Variants in CSTPP1 observed in about 807,000 individuals in gnomAD.
CSTPP1 encodes the protein centriolar satellite-associated tubulin polyglutamylase complex regulator 1.
chr11:46,953,520 A>T, the CSTPP1 span, among the ~76,000 whole-genome samples: 156 of 152,304 alleles, frequency 1.0e-3, no homozygotes, highest in African/African-American at 3.7e-3. Flanking sequence ...GGGAGTCAGG[A>T]CCATATTTAT....
chr11:47,089,068 A>T, the CSTPP1 span, among the ~76,000 whole-genome samples: 2 of 152,310 alleles, frequency 1.3e-5, no homozygotes, highest in African/African-American at 2.4e-5. Context: ...ATTTCCATTT[A>T]AAAATGTGCC....
At chr11:46,959,780 A>G in the CSTPP1 span, among the ~76,000 whole-genome samples, 1 of 151,874 alleles carries the variant, frequency 6.6e-6, no homozygotes, top group Non-Finnish European at 1.5e-5. Flanking sequence ...ATCTGCTGCC[A>G]TCTTAACTTC....
At chr11:47,142,673 T>C in the CSTPP1 span, among the ~76,000 whole-genome samples, 1 of 152,140 alleles carries the variant, frequency 6.6e-6, no homozygotes, top group African/African-American at 2.4e-5. Flanking sequence ...AAATGCATCT[T>C]AGCCCCCCGC....
At chr11:47,151,004 A>G in the CSTPP1 span, among the ~76,000 whole-genome samples, 1 of 150,112 alleles carries the variant, frequency 6.7e-6, no homozygotes, top group South Asian at 2.1e-4. Context: ...CTCCAGCCTC[A>G]GCCTCTTGAG....
the CSTPP1 span, among the ~76,000 whole-genome samples, chr11:46,994,526 G>A: frequency 6.6e-6 from 1 of 152,160 alleles, no homozygotes; most frequent in Non-Finnish European, 1.5e-5. Context: ...TGCATCTGTT[G>A]AGATAATCAT....
At chr11:47,060,484 C>T in the CSTPP1 span, among the ~76,000 whole-genome samples, 289 of 152,020 alleles carry the variant, frequency 1.9e-3, no homozygotes, top group African/African-American at 6.5e-3. Context: ...GCAGTCCACC[C>T]GCCTCAGCCT....
the CSTPP1 span, chr11:47,157,198 G>C: frequency 1.3e-6 from 2 of 1,595,462 alleles, no homozygotes; most frequent in South Asian, 1.1e-5. Context: ...TGGAAAACCT[G>C]TGTGATCGGC....
the CSTPP1 span, among the ~76,000 whole-genome samples, chr11:47,124,243 C>A: frequency 6.7e-6 from 1 of 149,100 alleles, no homozygotes; most frequent in Non-Finnish European, 1.5e-5. Flanking sequence ...TCTGCCTCAG[C>A]CTCCTGAGTA....
At chr11:47,160,895 G>C in the CSTPP1 span, 1 of 568,282 alleles carries the variant, frequency 1.8e-6, no homozygotes, top group Non-Finnish European at 3.1e-6. Flanking sequence ...TGGCTGTGGT[G>C]TCTGCCCCAG....
the CSTPP1 span, among the ~76,000 whole-genome samples, chr11:47,144,592 C>T: frequency 1.3e-5 from 2 of 152,120 alleles, no homozygotes; most frequent in South Asian, 4.2e-4. Flanking sequence ...TGCTTCCTGG[C>T]CTTTTTGCAC....
the CSTPP1 span, among the ~76,000 whole-genome samples, chr11:46,951,400 G>T: frequency 6.6e-6 from 1 of 150,494 alleles, no homozygotes; most frequent in Non-Finnish European, 1.5e-5. Context: ...GAGCTCAGGT[G>T]ATCCTCCCAC....
chr11:46,949,945 T>C, the CSTPP1 span, among the ~76,000 whole-genome samples: 1 of 152,072 alleles, frequency 6.6e-6, no homozygotes, highest in African/African-American at 2.4e-5. Flanking sequence ...AATGCTGGGA[T>C]TACAAGCATG....
chr11:46,969,232 C>T, the CSTPP1 span, among the ~76,000 whole-genome samples: 7 of 152,146 alleles, frequency 4.6e-5, no homozygotes, highest in African/African-American at 1.7e-4. Flanking sequence ...AGGCAGAATA[C>T]AAGGGCCTGA....
chr11:47,062,568 T>C, the CSTPP1 span, among the ~76,000 whole-genome samples: 1 of 152,334 alleles, frequency 6.6e-6, no homozygotes, highest in East Asian at 1.9e-4. Flanking sequence ...CTATACTAAA[T>C]AACACCTAAT....
chr11:46,947,131 T>C, the CSTPP1 span, among the ~76,000 whole-genome samples: 152,227 of 152,354 alleles, frequency 1, 76,050 homozygotes, highest in East Asian at 1. Context: ...TTACATAACA[T>C]TAAAATTTAA....
At chr11:47,058,932 G>A in the CSTPP1 span, among the ~76,000 whole-genome samples, 2 of 152,170 alleles carry the variant, frequency 1.3e-5, no homozygotes, top group South Asian at 4.1e-4. Flanking sequence ...CAGTAGCATA[G>A]GAACCAACCC....
At chr11:47,145,553 A>C in the CSTPP1 span, among the ~76,000 whole-genome samples, 7 of 152,254 alleles carry the variant, frequency 4.6e-5, no homozygotes, top group East Asian at 1.4e-3. Context: ...CAGAGGTTGC[A>C]GTGAGCTGAG....
At chr11:47,054,814 A>G in the CSTPP1 span, among the ~76,000 whole-genome samples, 1 of 151,790 alleles carries the variant, frequency 6.6e-6, no homozygotes, top group Non-Finnish European at 1.5e-5. Flanking sequence ...TGGTGATTGG[A>G]TTTGGCATTA....
the CSTPP1 span, among the ~76,000 whole-genome samples, chr11:46,964,465 T>C: frequency 6.6e-6 from 1 of 152,144 alleles, no homozygotes; most frequent in Non-Finnish European, 1.5e-5. Context: ...TTTTGTATTT[T>C]TAGTAGAGAC....
Sources: allele counts gnomAD v4.1 joint callset (sites outside exome capture counted in the v4.1 genomes callset), GRCh38; gene constraint gnomAD v4.1.1; transcripts MANE v1.5; gene names NCBI Gene and HGNC (gene_info 2026-07-23, HGNC 2026-07-21).